The following SLC22A23 variants were observed in gnomAD, a reference collection of about 807,000 sequenced individuals.
SLC22A23 encodes the protein ion transporter protein.
SLC22A23 carries 26 observed loss-of-function variants against 61.0 expected under a neutral mutation model. The observed-to-expected ratio is 0.43, with a 90% CI of 0.31 to 0.59. The LOEUF (loss-of-function observed/expected upper bound fraction) is 0.59. Among genes scored for constraint, SLC22A23 ranks in the 20% least tolerant of loss-of-function variants. The pLI is 0.11. For missense variants in SLC22A23, 796 were observed against 934.7 expected (o/e 0.85, Z 1.94); for synonymous variants, 430 against 413.9 (o/e 1.04, Z -0.47).
At chr6:3,305,767 C>T (rs890412245) in intron 4 of SLC22A23, among the ~76,000 whole-genome samples, 1 of 152,080 alleles carries the variant, frequency 6.6e-6, no homozygotes. Flanking sequence ...CACATGTAGA[C>T]GGCCAAAAAG....
chr6:3,344,883 G>C (rs1764334927), intron 3 of SLC22A23, among the ~76,000 whole-genome samples: 1 of 151,892 alleles, frequency 6.6e-6, no homozygotes, highest in African/African-American at 2.4e-5. Context: ...CTCATTTCTT[G>C]GCAGCACTGG....
At chr6:3,378,168 C>T (rs181693843) in intron 3 of SLC22A23, among the ~76,000 whole-genome samples, 7 of 152,338 alleles carry the variant, frequency 4.6e-5, no homozygotes, top group Admixed American at 2.0e-4. Flanking sequence ...CCGATGGCTC[C>T]GAACACTTTG....
chr6:3,384,107 A>G (rs377294326), intron 3 of SLC22A23, among the ~76,000 whole-genome samples: 3 of 152,358 alleles, frequency 2.0e-5, no homozygotes, highest in Non-Finnish European at 2.9e-5. Flanking sequence ...CTTCATTATC[A>G]TAGCAGATGC....
chr6:3,452,599 T>TAA (rs570923626), intron 1 of SLC22A23, among the ~76,000 whole-genome samples: 2 of 40,536 alleles, frequency 4.9e-5, no homozygotes, highest in Non-Finnish European at 8.2e-5. Flanking sequence ...AGACGCTGTC[T>TAA]AAAAAAAAAA....
At chr6:3,371,289 T>C (rs554058738) in intron 3 of SLC22A23, among the ~76,000 whole-genome samples, 3 of 152,378 alleles carry the variant, frequency 2.0e-5, no homozygotes, top group South Asian at 4.1e-4. Context: ...GCAGGCCACA[T>C]GGCATCTGCT....
At chr6:3,449,006 G>A (rs1561633631) in intron 1 of SLC22A23, among the ~76,000 whole-genome samples, 1 of 152,212 alleles carries the variant, frequency 6.6e-6, no homozygotes, top group Non-Finnish European at 1.5e-5. Context: ...AACGGAGGTG[G>A]AAAGGCTGCT....
At chr6:3,438,357 C>T (rs1418113729) in intron 1 of SLC22A23, 2 of 362,956 alleles carry the variant, frequency 5.5e-6, no homozygotes, top group African/African-American at 2.1e-5. Context: ...GGCAAAGCCA[C>T]GAGGTGCCTG....
At chr6:3,375,764 C>T (rs1361601260) in intron 3 of SLC22A23, among the ~76,000 whole-genome samples, 1 of 152,212 alleles carries the variant, frequency 6.6e-6, no homozygotes, top group African/African-American at 2.4e-5. Context: ...TATACTTGGT[C>T]ACTACTGGCA....
chr6:3,283,203 G>C lies in SLC22A23; in HGVS notation c.1703+649C>G, dbSNP rs145654027. The stretch of plus-strand genomic sequence containing the variant: ...TCCTAGCACTTTGGGAGGCCAAGGT[G>C]GGGGGATCACCTGAGGTCAGGAGTT... On this transcript the variant is annotated intron_variant, in intron 9 of 9. Coordinates refer to ENST00000406686, the MANE Select transcript of SLC22A23 (RefSeq NM_015482.2). Among the ~76,000 whole-genome samples, 34 of 151,768 alleles carry C rather than the reference G, an allele frequency of 2.2e-4. No individual in the cohort carries two copies. In the East Asian group the frequency reaches 6.2e-3, roughly 28 times the overall value.
intron 3 of SLC22A23, among the ~76,000 whole-genome samples, chr6:3,391,539 G>T (rs1261872649): frequency 6.6e-6 from 1 of 152,150 alleles, no homozygotes; most frequent in African/African-American, 2.4e-5. Context: ...CATTCATCAT[G>T]TTCCATGAAT....
At chr6:3,289,026 C>T (rs1471071194) in intron 6 of SLC22A23, among the ~76,000 whole-genome samples, 1 of 152,268 alleles carries the variant, frequency 6.6e-6, no homozygotes, top group East Asian at 1.9e-4. Flanking sequence ...CGAGACCTTT[C>T]ACAAATGAGT....
chr6:3,278,713 G>C (rs1179413053), intron 9 of SLC22A23, among the ~76,000 whole-genome samples: 2 of 152,200 alleles, frequency 1.3e-5, no homozygotes, highest in East Asian at 3.8e-4. Flanking sequence ...GATGAAGACT[G>C]AACACCTAAA....
At chr6:3,306,981 G>A (rs1312308046) in intron 4 of SLC22A23, among the ~76,000 whole-genome samples, 1 of 152,198 alleles carries the variant, frequency 6.6e-6, no homozygotes, top group Non-Finnish European at 1.5e-5. Flanking sequence ...AGGCGTCAGC[G>A]TCTGCAGCGC....
intron 3 of SLC22A23, among the ~76,000 whole-genome samples, chr6:3,361,936 A>C (rs1765478835): frequency 6.6e-6 from 1 of 152,262 alleles, no homozygotes; most frequent in South Asian, 2.1e-4. Context: ...ATCCAACACC[A>C]CACTGCCACA....
At position 3,328,305 on chromosome 6, in the gene SLC22A23, T is replaced by C. The variant is rs951538690; in HGVS notation, c.914-4303A>G. Among the ~76,000 whole-genome samples, 1 of 152,042 alleles carries C rather than the reference T, an allele frequency of 6.6e-6. No individual in the cohort carries two copies. The highest frequency in any genetic ancestry group is 1.5e-5 in the Non-Finnish European group (1 of 68,002). ...GAGCACAGAGGCCGCCCGGAGGCTT[T>C]GATAGAAAAGTGGCATTGTTAGGAG... On this transcript the variant is annotated intron_variant, in intron 3 of 9. Coordinates refer to ENST00000406686, the MANE Select transcript of SLC22A23 (RefSeq NM_015482.2). The surrounding 1 kb of genome is among the most constrained non-coding windows in gnomAD (Gnocchi z 5.0).
intron 3 of SLC22A23, chr6:3,378,031 G>A (rs1353822810): frequency 6.6e-6 from 1 of 152,242 alleles, no homozygotes; most frequent in Non-Finnish European, 1.5e-5. Flanking sequence ...TGTCTGCTGG[G>A]CAGGGCAATG....
In SLC22A23 at chr6:3,309,450, A is replaced by C. The variant is rs1356081015; in HGVS notation, c.1083-11232T>G. ...CAGGGTCTTCAGACAACTGAATCCT[A>C]GCTGAGAAAGCCCCAGGCCACTAAC... On this transcript the variant is annotated intron_variant, in intron 4 of 9. Transcript: ENST00000406686. This position sits in a 1 kb window ranked among gnomAD's most constrained non-coding sequence, Gnocchi z 4.7. Among the ~76,000 whole-genome samples the C allele has an allele frequency of 2.0e-5, 3 of 152,230 alleles. No homozygotes were observed. The highest frequency in any genetic ancestry group is 4.4e-5 in the Non-Finnish European group (3 of 68,048).
chr6:3,433,682 A>C (rs549075086), intron 1 of SLC22A23, among the ~76,000 whole-genome samples: 1 of 152,322 alleles, frequency 6.6e-6, no homozygotes, highest in East Asian at 1.9e-4. Flanking sequence ...GGAGAGAGAA[A>C]CACAGTGTTG....
Position 3,456,158 on chromosome 6 carries a change from G to T in SLC22A23, c.402C>A (p.Gly134=), listed in dbSNP as rs1173766360. 1 of 1,551,252 alleles carries T rather than the reference G, an allele frequency of 6.4e-7. No homozygotes were observed. Among genetic ancestry groups the T allele is most frequent in the South Asian group, 1.2e-5 (1 of 84,052 alleles). The part of the protein sequence containing the change: ...PNFWCRGAGK[G]TELAGVTTTG... ...TGGTGGTGACCCCTGCCAGCTCGGT[G>T]CCTTTGCCGGCCCCGCGGCACCAGA... Residue 134 remains glycine (G), a synonymous_variant, in exon 1 of 10, where the codon GGC becomes GGA. Transcript: ENST00000406686. The surrounding 1 kb of genome is among the most constrained non-coding windows in gnomAD (Gnocchi z 7.1).
Sources: allele counts gnomAD v4.1 joint callset (sites outside exome capture counted in the v4.1 genomes callset), GRCh38; gene constraint gnomAD v4.1.1; non-coding constraint Gnocchi (gnomAD v3.1); transcripts MANE v1.5; gene names NCBI Gene and HGNC (gene_info 2026-07-23, HGNC 2026-07-21).